Variants in TLN2 observed in about 807,000 individuals in gnomAD.
TLN2 encodes talin 2, also known as talin-2.
A neutral mutation model predicts 294.7 loss-of-function variants in TLN2; 118 were observed. That is an observed-to-expected ratio of 0.40 (90% confidence interval 0.34 to 0.47). The LOEUF (loss-of-function observed/expected upper bound fraction) is 0.47. Ranked by LOEUF, TLN2 falls within the 20% of genes least tolerant of loss-of-function variation. The probability of loss-of-function intolerance (pLI) is 0.84; values close to 1 mark genes in which losing one functional copy is unlikely to be tolerated. For synonymous variants in TLN2, 1,431 were observed against 1,304.5 expected (o/e 1.10, Z -2.09); for missense variants, 3,083 against 3,282.2 (o/e 0.94, Z 1.48).
intron 40 of TLN2, among the ~76,000 whole-genome samples, chr15:62,764,166 C>G (rs1171971843): frequency 1.3e-5 from 2 of 152,164 alleles, no homozygotes; most frequent in African/African-American, 4.8e-5. Flanking sequence ...TATTCAATAT[C>G]CAGCATTTGA....
intron 19 of TLN2, among the ~76,000 whole-genome samples, chr15:62,704,423 C>G (rs1455007627): frequency 6.6e-6 from 1 of 152,146 alleles, no homozygotes; most frequent in Non-Finnish European, 1.5e-5. Context: ...TTTTGCATGC[C>G]ATTTTATCTA....
rs527561161 is a variant in TLN2 at position 62,843,961 on chromosome 15, C to T, written c.*3351C>T. On this transcript the variant is annotated 3_prime_UTR_variant, in exon 59 of 59. Transcript: ENST00000636159. ...TGGGATGCTGGCCTTAAGATCTCAG[C>T]ACAGACTATCAGCATGTTCCATTCT... 2 of 152,346 alleles carry T rather than the reference C, an allele frequency of 1.3e-5. No individual in the cohort carries two copies. Among genetic ancestry groups the T allele is most frequent in the African/African-American group, 4.8e-5 (2 of 41,578 alleles). 9.4% of individuals were successfully genotyped at this position (152,346 alleles called of 1,614,324 possible).
At chr15:62,653,748 TAA>T (rs36124921) in intron 7 of TLN2, among the ~76,000 whole-genome samples, 6 of 135,384 alleles carry the variant, frequency 4.4e-5, no homozygotes, top group African/African-American at 1.3e-4. Flanking sequence ...AAATAAAAAT[TAA>T]AAAAAAAAAA....
intron 32 of TLN2, among the ~76,000 whole-genome samples, chr15:62,743,783 T>A (rs756141399): frequency 2.0e-5 from 3 of 152,178 alleles, no homozygotes; most frequent in Non-Finnish European, 4.4e-5. Context: ...ACAGTCATCC[T>A]GGCCAGAAGG....
chr15:62,576,595 ATTTT>A (rs3055751), intron 1 of TLN2, among the ~76,000 whole-genome samples: 2,288 of 103,000 alleles, frequency 0.022, 45 homozygotes, highest in African/African-American at 0.078. Context: ...ATTGCTCTGT[ATTTT>A]TTTTTTTTTT....
chr15:62,440,041 A>G (rs2035474808), intron 1 of TLN2, among the ~76,000 whole-genome samples: 1 of 152,066 alleles, frequency 6.6e-6, no homozygotes, highest in South Asian at 2.1e-4. Context: ...TGGTCTCTTC[A>G]TTTACTTGGT....
intron 2 of TLN2, among the ~76,000 whole-genome samples, chr15:62,604,182 G>A (rs545144049): frequency 6.6e-6 from 1 of 151,978 alleles, no homozygotes; most frequent in African/African-American, 2.4e-5. Context: ...AGGCATTCGG[G>A]AGCCATAGAA....
At chr15:62,413,052 C>T (rs1008215207) in intron 1 of TLN2, among the ~76,000 whole-genome samples, 3 of 152,110 alleles carry the variant, frequency 2.0e-5, no homozygotes, top group Non-Finnish European at 2.9e-5. Flanking sequence ...GATGTGCCCT[C>T]GAGAAAAATG....
intron 46 of TLN2, among the ~76,000 whole-genome samples, chr15:62,794,070 G>C (rs1388841537): frequency 6.6e-6 from 1 of 152,138 alleles, no homozygotes; most frequent in Non-Finnish European, 1.5e-5. Context: ...TTCTTGCCAA[G>C]TTCCCCCATA....
chr15:62,789,831 C>T (rs1047507498), intron 45 of TLN2, among the ~76,000 whole-genome samples: 4 of 152,140 alleles, frequency 2.6e-5, no homozygotes, highest in Admixed American at 2.6e-4. Flanking sequence ...GCATGTTTGC[C>T]CCTAGTGTCA....
rs115928904 is a variant in TLN2 at position 62,529,405 on chromosome 15, C to T, written c.-237-60282C>T. 8.9e-3 allele frequency among the ~76,000 whole-genome samples: 1,357 copies of T among 152,104 alleles called. 15 individuals are homozygous for T. The highest frequency in any genetic ancestry group is 0.031 in the African/African-American group (1,305 of 41,502). ...CGCCCAGCCTTTTTAGGGCTTTTAT[C>T]GTCTACTGTAAAGTAACTATTGAAG... On this transcript the variant is annotated intron_variant, in intron 1 of 58. Transcript: ENST00000636159.
chr15:62,478,863 A>G (rs557032743), intron 1 of TLN2, among the ~76,000 whole-genome samples: 1 of 152,320 alleles, frequency 6.6e-6, no homozygotes, highest in Admixed American at 6.5e-5. Context: ...GGCTTCATGT[A>G]TATGCTTAGT....
At chr15:62,619,756 C>G (rs1309494650) in intron 3 of TLN2, among the ~76,000 whole-genome samples, 1 of 152,178 alleles carries the variant, frequency 6.6e-6, no homozygotes, top group Non-Finnish European at 1.5e-5. Context: ...AAGTATTCTT[C>G]TAGAGCCTTG....
intron 1 of TLN2, among the ~76,000 whole-genome samples, chr15:62,546,481 C>T (rs2042000374): frequency 6.6e-6 from 1 of 152,030 alleles, no homozygotes; most frequent in Non-Finnish European, 1.5e-5. Context: ...TAGTTGTGAA[C>T]TACTAAGATG....
chr15:62,503,480 T>G (rs2039419488), intron 1 of TLN2, among the ~76,000 whole-genome samples: 1 of 152,246 alleles, frequency 6.6e-6, no homozygotes, highest in Non-Finnish European at 1.5e-5. Flanking sequence ...CTTAAGTGAT[T>G]AGTGGTTCAG....
At position 62,613,658 on chromosome 15, in the gene TLN2, C is replaced by T. The variant is rs138214105; in HGVS notation, c.-161-4693C>T. ...AGGCAGGCCATTGGATACATGCACT[C>T]TTTACCGTAAGCTTTATTTGTAATA... On this transcript the variant is annotated intron_variant, in intron 2 of 58. Coordinates refer to ENST00000636159, the MANE Select transcript of TLN2 (RefSeq NM_015059.3). Among the ~76,000 whole-genome samples the T allele has an allele frequency of 1.9e-3, 290 of 152,252 alleles. 2 individuals carry two copies. The highest frequency in any genetic ancestry group is 6.7e-3 in the African/African-American group (277 of 41,552).
At chr15:62,824,318 T>TA (rs1204132389) in intron 54 of TLN2, among the ~76,000 whole-genome samples, 1 of 152,212 alleles carries the variant, frequency 6.6e-6, no homozygotes, top group African/African-American at 2.4e-5. Flanking sequence ...GAAAAAACGG[T>TA]TCCAACCCAT....
intron 1 of TLN2, among the ~76,000 whole-genome samples, chr15:62,575,449 C>G (rs2044303723): frequency 6.6e-6 from 1 of 152,166 alleles, no homozygotes; most frequent in South Asian, 2.1e-4. Context: ...ATCACTTTGT[C>G]CAATTGCTAT....
intron 1 of TLN2, among the ~76,000 whole-genome samples, chr15:62,451,582 A>G (rs943096417): frequency 6.6e-6 from 1 of 152,132 alleles, no homozygotes; most frequent in South Asian, 2.1e-4. Context: ...GCTTAAACCC[A>G]GAGGCGGAGG....
Sources: allele counts gnomAD v4.1 joint callset (sites outside exome capture counted in the v4.1 genomes callset), GRCh38; gene constraint gnomAD v4.1.1; transcripts MANE v1.5; gene names NCBI Gene and HGNC (gene_info 2026-07-23, HGNC 2026-07-21).